The following ATAD2B variants were observed in gnomAD, a reference collection of about 807,000 sequenced individuals.
ATAD2B encodes the protein ATPase family AAA domain containing 2B, also known as ATPase family AAA domain-containing protein 2B.
A neutral mutation model predicts 167.6 loss-of-function variants in ATAD2B; 40 were observed. The ratio of observed to expected loss-of-function variants is 0.24; its 90% CI spans 0.19 to 0.31. The LOEUF (loss-of-function observed/expected upper bound fraction) is 0.31, where lower values mean the gene tolerates loss of function less well. ATAD2B is among the 10% of genes least tolerant of loss of function. The pLI is 1.00. For missense variants in ATAD2B, 1,242 were observed against 1,757.2 expected (o/e 0.71, Z 5.24); for synonymous variants, 579 against 596.5 (o/e 0.97, Z 0.43).
In ATAD2B at chr2:23,774,136, A is replaced by AT. The variant is rs201963580; in HGVS notation, c.3134-8509dup. ...AAGAAAAGCTCATTTTTATGGTATG[A>AT]TTTTTCATCCCAAATAATTTCATAA... On this transcript the variant is annotated intron_variant, in intron 22 of 27. Coordinates refer to ENST00000238789, the MANE Select transcript of ATAD2B (RefSeq NM_017552.4). 1.5e-3 allele frequency among the ~76,000 whole-genome samples: 227 copies of AT among 152,278 alleles called. 5 individuals are homozygous for AT. The East Asian group carries it at 0.039, about 26-fold the overall frequency.
intron 22 of ATAD2B, among the ~76,000 whole-genome samples, chr2:23,771,311 T>C (rs1178780002): frequency 1.3e-5 from 2 of 152,228 alleles, no homozygotes; most frequent in African/African-American, 2.4e-5. Flanking sequence ...CTTACTGCAT[T>C]GGCTGAAAGC....
rs994328530 is a variant in ATAD2B at position 23,927,019 on chromosome 2, C to G, written c.-249G>C. On this transcript the variant is annotated 5_prime_UTR_variant, in exon 1 of 28. Transcript: ENST00000238789. ...AGCACAGACACTCCGCCGGCTTCGC[C>G]CTCCTCAGCGGGAGCCGAGCGGAGC... The G allele has an allele frequency of 2.1e-6, 1 of 487,478 alleles. No individual in the cohort carries two copies. Among genetic ancestry groups the G allele is most frequent in the African/African-American group, 2.0e-5 (1 of 48,868 alleles). The allele number at this position is 487,478 out of a possible 1,614,324, so 30.2% of individuals were successfully genotyped here. A position where few individuals can be genotyped will look rare whatever the true frequency, so the allele number is the denominator to read the frequency against.
Position 23,863,447 on chromosome 2 carries a change from T to C in ATAD2B, c.1413A>G (p.Lys471=), listed in dbSNP as rs1160582228. The C allele has an allele frequency of 2.1e-5, 32 of 1,552,662 alleles. No homozygotes were observed. Among genetic ancestry groups the C allele is most frequent in the Non-Finnish European group, 2.7e-5 (31 of 1,147,360 alleles). Residue 471 remains lysine, a synonymous_variant, in exon 12 of 28, where the codon AAA becomes AAG. Transcript: ENST00000238789. ...CCCACTTGCTCAAACAATCTGCTCC[T>C]TTTCGCATAAAAAAAGCCACTTTTT... ...GDKKVAFFMR[K]GADCLSKWVG...
chr2:23,870,422 G>A (rs1288884442), intron 8 of ATAD2B, among the ~76,000 whole-genome samples: 2 of 150,988 alleles, frequency 1.3e-5, no homozygotes, highest in Non-Finnish European at 2.9e-5. Context: ...AAGTAACTGA[G>A]ACTGGAGGCA....
chr2:23,850,577 C>A (rs1692413668), intron 13 of ATAD2B, among the ~76,000 whole-genome samples: 2 of 151,978 alleles, frequency 1.3e-5, no homozygotes, highest in South Asian at 4.2e-4. Flanking sequence ...TGTTTGAGTC[C>A]AACTATATGA....
At chr2:23,809,941 C>G (rs559390766) in intron 18 of ATAD2B, among the ~76,000 whole-genome samples, 1 of 152,272 alleles carries the variant, frequency 6.6e-6, no homozygotes, top group South Asian at 2.1e-4. Context: ...CTGATTATCT[C>G]AAATTGGATA....
At chr2:23,737,892 C>T in the ATAD2B span, among the ~76,000 whole-genome samples, 1 of 152,050 alleles carries the variant, frequency 6.6e-6, no homozygotes, top group African/African-American at 2.4e-5. Context: ...ACGAGAGCTA[C>T]GTGACGAATG....
chr2:23,862,636 G>A (rs1694572816), intron 12 of ATAD2B, among the ~76,000 whole-genome samples: 1 of 152,224 alleles, frequency 6.6e-6, no homozygotes, highest in Middle Eastern at 3.4e-3. Flanking sequence ...CAAATAAATA[G>A]TAGACATAGT....
At chr2:23,712,912 T>C in the ATAD2B span, among the ~76,000 whole-genome samples, 1 of 152,204 alleles carries the variant, frequency 6.6e-6, no homozygotes, top group Non-Finnish European at 1.5e-5. Flanking sequence ...TTTGAGTGGC[T>C]CATACTAGGT....
At chr2:23,907,156 T>C (rs1206652579) in intron 1 of ATAD2B, among the ~76,000 whole-genome samples, 2 of 151,672 alleles carry the variant, frequency 1.3e-5, no homozygotes, top group Non-Finnish European at 2.9e-5. Flanking sequence ...GGTATTCAAT[T>C]AGGAAAAGAG....
intron 18 of ATAD2B, among the ~76,000 whole-genome samples, chr2:23,808,683 G>A (rs1168612139): frequency 6.6e-6 from 1 of 151,836 alleles, no homozygotes; most frequent in Non-Finnish European, 1.5e-5. Flanking sequence ...TCACATCATA[G>A]GCAAATACTT....
intron 13 of ATAD2B, among the ~76,000 whole-genome samples, chr2:23,850,941 AT>A (rs1161335304): frequency 6.6e-6 from 1 of 152,190 alleles, no homozygotes; most frequent in Non-Finnish European, 1.5e-5. Context: ...CAAAACCCTC[AT>A]AAAGAGGATT....
At chr2:23,706,469 T>A in the ATAD2B span, 77 of 1,468,478 alleles carry the variant, frequency 5.2e-5, no homozygotes, top group Non-Finnish European at 6.8e-5. Flanking sequence ...TGTCCCCGCT[T>A]TCCCCCAACA....
At chr2:23,790,800 C>T (rs1458925712) in intron 19 of ATAD2B, among the ~76,000 whole-genome samples, 1 of 152,218 alleles carries the variant, frequency 6.6e-6, no homozygotes. Context: ...GTGATGCCTT[C>T]CCTAACTTTC....
At chr2:23,815,051 G>A (rs368177794) in intron 17 of ATAD2B, among the ~76,000 whole-genome samples, 76 of 140,656 alleles carry the variant, frequency 5.4e-4, no homozygotes, top group African/African-American at 1.4e-3. Flanking sequence ...AATGAAATCC[G>A]TCTCCAAAAA....
intron 7 of ATAD2B, among the ~76,000 whole-genome samples, chr2:23,878,944 T>C (rs1390653745): frequency 6.6e-6 from 1 of 152,098 alleles, no homozygotes; most frequent in African/African-American, 2.4e-5. Flanking sequence ...CCAACACCAT[T>C]AGGGAAATGT....
chr2:23,741,659 T>A, the ATAD2B span, among the ~76,000 whole-genome samples: 1 of 152,098 alleles, frequency 6.6e-6, no homozygotes, highest in Non-Finnish European at 1.5e-5. Flanking sequence ...ACGTCATGTC[T>A]AAAACACCAA....
At chr2:23,878,552 G>A (rs55682359) in intron 7 of ATAD2B, among the ~76,000 whole-genome samples, 13 of 151,772 alleles carry the variant, frequency 8.6e-5, no homozygotes, top group South Asian at 2.1e-4. Flanking sequence ...CCAGCTACTC[G>A]GGAGGCTGAG....
chr2:23,770,975 A>G (rs978074149), intron 22 of ATAD2B, among the ~76,000 whole-genome samples: 1 of 152,186 alleles, frequency 6.6e-6, no homozygotes, highest in African/African-American at 2.4e-5. Flanking sequence ...GCCATGACAT[A>G]TATCTCCATT....
Sources: gnomAD v4.1 joint callset for allele counts (sites outside exome capture counted in the v4.1 genomes callset) on GRCh38, gnomAD v4.1.1 for gene constraint, MANE v1.5 for transcripts, NCBI Gene and HGNC (gene_info 2026-07-23, HGNC 2026-07-21) for gene names.